EMCN: variants seen among roughly 807,000 people sequenced by gnomAD.
EMCN encodes the protein endomucin.
In EMCN, 37 loss-of-function variants were observed where a neutral mutation model predicts 38.4. The observed-to-expected ratio is 0.96, with a 90% CI of 0.74 to 1.27. EMCN has a LOEUF of 1.27. EMCN is among the 50% of genes most tolerant of loss of function. EMCN has a pLI of 0.00. For synonymous variants in EMCN, 95 were observed against 100.8 expected, an observed-to-expected ratio of 0.94 and a Z score of 0.35; for missense variants, 318 against 302.8, an observed-to-expected ratio of 1.05 and a Z score of -0.37.
intron 4 of EMCN, among the ~76,000 whole-genome samples, chr4:100,448,236 G>C (rs1727734636): frequency 6.6e-6 from 1 of 152,050 alleles, no homozygotes; most frequent in African/African-American, 2.4e-5. Context: ...CAACACCTTT[G>C]AGTACATGCA....
At chr4:100,402,297 A>C (rs1009858766) in intron 11 of EMCN, among the ~76,000 whole-genome samples, 11 of 152,172 alleles carry the variant, frequency 7.2e-5, no homozygotes, top group African/African-American at 2.4e-4. Flanking sequence ...AAATATATCT[A>C]AAATCTTGTT....
chr4:100,475,054 TAAA>T lies in EMCN; in HGVS notation c.240_242del (p.Phe80del). 1 of 1,534,746 alleles carries T rather than the reference TAAA, an allele frequency of 6.5e-7. No individual in the cohort carries two copies. The highest frequency in any genetic ancestry group is 1.3e-5 in the South Asian group (1 of 76,506). On this transcript the variant is annotated inframe_deletion, in exon 3 of 12. Transcript: ENST00000296420. ...ATTACTCACCTTCATCTTTACTTGT[TAAA>T]AAAGTAGCTGTTGACATCAGAGACA...
At chr4:100,447,757 G>C (rs1727718675) in intron 4 of EMCN, among the ~76,000 whole-genome samples, 186 bp from the exon 5 acceptor site, 10 of 151,958 alleles carry the variant, frequency 6.6e-5, no homozygotes, top group Admixed American at 6.6e-4. Context: ...TTAAGAAAAA[G>C]TGGTTCAACC....
At chr4:100,410,606 T>C (rs58143431) in intron 10 of EMCN, among the ~76,000 whole-genome samples, 13,374 of 151,762 alleles carry the variant, frequency 0.088, 1,074 homozygotes, top group African/African-American at 0.21. Context: ...CAGGGGGCAG[T>C]GGGGGCGGGG....
chr4:100,459,226 T>C (rs528867854), intron 4 of EMCN, among the ~76,000 whole-genome samples: 1 of 120,712 alleles, frequency 8.3e-6, no homozygotes, highest in Non-Finnish European at 1.9e-5. Flanking sequence ...TCTCTCTCTC[T>C]CTCATCTCTA....
At chr4:100,449,621 T>C (rs1727783044) in intron 4 of EMCN, among the ~76,000 whole-genome samples, 1 of 152,100 alleles carries the variant, frequency 6.6e-6, no homozygotes, top group Non-Finnish European at 1.5e-5. Context: ...TATTATCAGG[T>C]CATAACCTTT....
chr4:100,426,094 G>A (rs1727036967), intron 5 of EMCN, among the ~76,000 whole-genome samples: 1 of 152,118 alleles, frequency 6.6e-6, no homozygotes, highest in African/African-American at 2.4e-5. Context: ...CATATTTGGA[G>A]ACCTCACTGT....
chr4:100,405,887 T>C (rs1270008931), intron 11 of EMCN, among the ~76,000 whole-genome samples: 1 of 152,070 alleles, frequency 6.6e-6, no homozygotes, highest in Non-Finnish European at 1.5e-5. Flanking sequence ...TTTTTATTAC[T>C]GATTCAATTT....
chr4:100,417,291 C>T (rs1210084761), intron 8 of EMCN, 150 bp from the exon 9 acceptor site: 2 of 747,850 alleles, frequency 2.7e-6, no homozygotes, highest in Admixed American at 2.6e-5. Context: ...TTTCCCCTTG[C>T]CAAGCCATTT....
At chr4:100,470,331 A>C (rs1728440472) in intron 3 of EMCN, among the ~76,000 whole-genome samples, 1 of 151,816 alleles carries the variant, frequency 6.6e-6, no homozygotes, top group South Asian at 2.1e-4. Flanking sequence ...TCAAAACCAC[A>C]ATGAGATACC....
intron 5 of EMCN, among the ~76,000 whole-genome samples, chr4:100,435,947 C>G (rs925804597): frequency 6.6e-6 from 1 of 152,014 alleles, no homozygotes; most frequent in African/African-American, 2.4e-5. Context: ...CTAGGCAATA[C>G]CATTCAGGAC....
In EMCN at chr4:100,421,387, A is replaced by G; in HGVS notation, c.569-10T>C. On this transcript the variant is annotated splice_polypyrimidine_tract_variant and intron_variant, in intron 7 of 11. Transcript: ENST00000296420. ...ACCGGCAAAATAATACCTAAAAAGA[A>G]TTGGAGACATTGTCAATTAGAGTGG... The G allele has an allele frequency of 1.2e-6, 2 of 1,604,286 alleles. No homozygotes were observed. The highest frequency in any genetic ancestry group is 1.7e-6 in the Non-Finnish European group (2 of 1,171,864).
intron 1 of EMCN, among the ~76,000 whole-genome samples, chr4:100,480,341 A>T (rs962795198): frequency 3.3e-5 from 5 of 152,024 alleles, no homozygotes; most frequent in African/African-American, 1.2e-4. Flanking sequence ...ATCCAACGAA[A>T]CTAACCTTGC....
At chr4:100,464,540 C>T (rs934294494) in intron 4 of EMCN, among the ~76,000 whole-genome samples, 1 of 151,902 alleles carries the variant, frequency 6.6e-6, no homozygotes, top group Non-Finnish European at 1.5e-5. Context: ...TTTGTATATG[C>T]CCTTTATCAA....
At chr4:100,506,199 C>T (rs1729475370) in intron 1 of EMCN, among the ~76,000 whole-genome samples, 1 of 152,098 alleles carries the variant, frequency 6.6e-6, no homozygotes, top group African/African-American at 2.4e-5. Flanking sequence ...AAGCAATCAT[C>T]TTTATGAAAA....
At chr4:100,454,671 G>C (rs763420471) in intron 4 of EMCN, among the ~76,000 whole-genome samples, 1 of 152,108 alleles carries the variant, frequency 6.6e-6, no homozygotes, top group Admixed American at 6.6e-5. Context: ...TTTTTCTGCG[G>C]AATGTGTTTT....
Position 100,423,098 on chromosome 4 carries a change from A to AG in EMCN, c.509-19_509-18insC, listed in dbSNP as rs1224146667. 4 of 1,612,642 alleles carry AG rather than the reference A, an allele frequency of 2.5e-6. No individual in the cohort carries two copies. Among genetic ancestry groups the AG allele is most frequent in the Middle Eastern group, 1.7e-4 (1 of 6,048 alleles). On this transcript the variant is annotated intron_variant, in intron 6 of 11. Transcript: ENST00000296420. ...GCCTATTACTTTAAGAAAGAAAAAA[A>AG]CAAGTCACTTTTGGTTAATGTGTGC...
intron 11 of EMCN, among the ~76,000 whole-genome samples, chr4:100,401,010 A>G (rs1268646055): frequency 6.6e-6 from 1 of 152,132 alleles, no homozygotes; most frequent in Non-Finnish European, 1.5e-5. Context: ...TTTATAATGA[A>G]TAAATGGCTA....
chr4:100,473,677 T>C (rs1394301203), intron 3 of EMCN, among the ~76,000 whole-genome samples: 1 of 152,142 alleles, frequency 6.6e-6, no homozygotes, highest in Admixed American at 6.5e-5. Context: ...AGAGCAATCA[T>C]TGAAGCTGTT....
Sources: gnomAD v4.1 joint callset for allele counts (sites outside exome capture counted in the v4.1 genomes callset) on GRCh38, gnomAD v4.1.1 for gene constraint, MANE v1.5 for transcripts, NCBI Gene and HGNC (gene_info 2026-07-23, HGNC 2026-07-21) for gene names.